The following AMMECR1L variants were observed in gnomAD, a reference collection of about 807,000 sequenced individuals.
AMMECR1L encodes AMMECR1-like protein.
AMMECR1L carries 4 observed loss-of-function variants against 36.8 expected under a neutral mutation model. The ratio of observed to expected loss-of-function variants is 0.11; its 90% confidence interval spans 0.05 to 0.25. AMMECR1L has a LOEUF of 0.25. AMMECR1L is among the 10% of genes least tolerant of loss of function. The pLI, the probability that AMMECR1L is intolerant of heterozygous loss-of-function variation, is 1.00. For missense variants in AMMECR1L, 232 were observed against 392.1 expected (o/e 0.59, Z 3.45); for synonymous variants, 147 against 148.0 (o/e 0.99, Z 0.05).
Position 127,865,269 on chromosome 2 carries a change from G to C in AMMECR1L, c.822-64C>G. On this transcript the variant is annotated intron_variant, in intron 7 of 7. Coordinates refer to ENST00000272647, the MANE Select transcript of AMMECR1L (RefSeq NM_001199140.2). The surrounding 1 kb of genome is among the most constrained non-coding windows in gnomAD (Gnocchi z 5.4). The stretch of plus-strand genomic sequence containing the variant: ...ACGCTTCATTTTGTAAAGTCACTCA[G>C]CAGAGAAAAACCAAAAGCTTATTCC... The C allele has an allele frequency of 8.4e-7, 1 of 1,196,532 alleles. No homozygotes were observed. Among genetic ancestry groups the C allele is most frequent in the Non-Finnish European group, 1.2e-6 (1 of 847,368 alleles). 74.1% of individuals were successfully genotyped at this position (1,196,532 alleles called of 1,614,324 possible).
rs1221416571 is a variant in AMMECR1L at position 127,865,069 on chromosome 2, G to A, written c.*25C>T. The A allele has an allele frequency of 6.4e-7, 1 of 1,571,204 alleles. No individual in the cohort carries two copies. Among genetic ancestry groups the A allele is most frequent in the Non-Finnish European group, 8.7e-7 (1 of 1,142,884 alleles). ...CATAGCCATTGGTGGCCACGGGGGGGTGGGACTGGTCATGCAGCCGTGTGT... is the reference window on the plus strand; with the variant it reads ...CATAGCCATTGGTGGCCACGGGGGGATGGGACTGGTCATGCAGCCGTGTGT... On this transcript the variant is annotated 3_prime_UTR_variant, in exon 8 of 8. Coordinates refer to ENST00000272647, the MANE Select transcript of AMMECR1L (RefSeq NM_001199140.2). This position sits in a 1 kb window ranked among gnomAD's most constrained non-coding sequence, Gnocchi z 5.4.
chr2:127,874,072 C>G lies in AMMECR1L; in HGVS notation c.163G>C (p.Val55Leu). The change falls in exon 3 of 8, where the codon GTG becomes CTG. Residue 55 changes from valine to leucine, a missense_variant. Around this residue, in one of 3 missense-constraint regions of AMMECR1L, gnomAD observed 109 missense variants for 128.1 expected, o/e 0.85. Coordinates refer to ENST00000272647, the MANE Select transcript of AMMECR1L (RefSeq NM_001199140.2). The surrounding 1 kb of genome is among the most constrained non-coding windows in gnomAD (Gnocchi z 5.2). ...TTCTCCCGTCCACTGCTGCTGTCCACATGCTGGTGGTTTTGAAGAGGTCCT... is the reference window on the plus strand; with the variant it reads ...TTCTCCCGTCCACTGCTGCTGTCCAGATGCTGGTGGTTTTGAAGAGGTCCT... ...SSGPLQNHQH[V>L]DSSSGRENVS... The G allele has an allele frequency of 6.2e-7, 1 of 1,614,254 alleles. No individual in the cohort carries two copies. Among genetic ancestry groups the G allele is most frequent in the Non-Finnish European group, 8.5e-7 (1 of 1,180,054 alleles).
intron 2 of AMMECR1L, among the ~76,000 whole-genome samples, chr2:127,876,709 A>C (rs1691258365): frequency 6.6e-6 from 1 of 152,158 alleles, no homozygotes; most frequent in Non-Finnish European, 1.5e-5. Context: ...GGTTAGGTGA[A>C]TTAAATGAGT....
Position 127,874,398 on chromosome 2 carries a change from C to G in AMMECR1L, c.-38-126G>C. ...TCAAATTCTTTCTCCCACTCAACCT[C>G]CAGGTCACAGACCAGGAGAAGAAAC... On this transcript the variant is annotated intron_variant, in intron 2 of 7. Transcript: ENST00000272647. The surrounding 1 kb of genome is among the most constrained non-coding windows in gnomAD (Gnocchi z 5.2). The G allele has an allele frequency of 1.1e-6, 1 of 879,764 alleles. No homozygotes were observed. Among genetic ancestry groups the G allele is most frequent in the South Asian group, 1.8e-5 (1 of 55,506 alleles). 54.5% of individuals were successfully genotyped at this position (879,764 alleles called of 1,614,324 possible).
rs2104753747 is a variant in AMMECR1L, at chr2:127,870,946, A to G, written c.519-18T>C. ...TAAGTGCACTGGAGGGGGACAGAAA[A>G]CATAGGTAAGGCTGCTCTGGAGTCA... On this transcript the variant is annotated intron_variant, in intron 4 of 7. Coordinates refer to ENST00000272647, the MANE Select transcript of AMMECR1L (RefSeq NM_001199140.2). 1 of 1,594,750 alleles carries G rather than the reference A, an allele frequency of 6.3e-7. No individual in the cohort carries two copies. Among genetic ancestry groups the G allele is most frequent in the East Asian group, 2.2e-5 (1 of 44,756 alleles).
chr2:127,867,121 C>A (rs1379839047), intron 6 of AMMECR1L, 125 bp from the exon 7 acceptor site: 2 of 1,507,156 alleles, frequency 1.3e-6, no homozygotes, highest in Non-Finnish European at 1.8e-6. Flanking sequence ...GCAGAGGAAG[C>A]CCTGGGCACT....
chr2:127,869,608 C>T lies in AMMECR1L; in HGVS notation c.634-64G>A, dbSNP rs1301998187. 1 of 1,333,854 alleles carries T rather than the reference C, an allele frequency of 7.5e-7. No individual in the cohort carries two copies. Among genetic ancestry groups the T allele is most frequent in the African/African-American group, 1.4e-5 (1 of 69,132 alleles). 82.6% of individuals were successfully genotyped at this position (1,333,854 alleles called of 1,614,324 possible). A position where few individuals can be genotyped will look rare whatever the true frequency, so the allele number is the denominator to read the frequency against. ...TACTCTAATGGAACTTCAGTCCCCA[C>T]ATATAAATCAACATTGTTCCCTGAC... On this transcript the variant is annotated intron_variant, in intron 5 of 7. Coordinates refer to ENST00000272647, the MANE Select transcript of AMMECR1L (RefSeq NM_001199140.2). This position sits in a 1 kb window ranked among gnomAD's most constrained non-coding sequence, Gnocchi z 4.7.
intron 2 of AMMECR1L, among the ~76,000 whole-genome samples, chr2:127,876,831 A>C (rs2104769007): frequency 6.6e-6 from 1 of 152,188 alleles, no homozygotes; most frequent in African/African-American, 2.4e-5. Flanking sequence ...CAGCCTGACC[A>C]ACATGGAGAA....
At position 127,869,345 on chromosome 2, in the gene AMMECR1L, C is replaced by CA; in HGVS notation, c.724+108dup. 1 of 1,048,130 alleles carries CA rather than the reference C, an allele frequency of 9.5e-7. No individual in the cohort carries two copies. The highest frequency in any genetic ancestry group is 1.4e-5 in the South Asian group (1 of 73,394). 64.9% of individuals were successfully genotyped at this position (1,048,130 alleles called of 1,614,324 possible). On this transcript the variant is annotated intron_variant, in intron 6 of 7. Transcript: ENST00000272647. This position sits in a 1 kb window ranked among gnomAD's most constrained non-coding sequence, Gnocchi z 4.7. ...AGGTATTAAGAGGCAGAAAGGCCCT[C>CA]ATTCTCAGCTGCAGTTGGGCTGCAA...
At chr2:127,883,041 G>A (rs148485336) in intron 2 of AMMECR1L, among the ~76,000 whole-genome samples, 263 of 151,410 alleles carry the variant, frequency 1.7e-3, no homozygotes, top group African/African-American at 6.1e-3. Context: ...CACCATGCCT[G>A]GCAACAATTG....
intron 2 of AMMECR1L, among the ~76,000 whole-genome samples, chr2:127,878,655 A>T (rs1251483559): frequency 6.6e-6 from 1 of 152,176 alleles, no homozygotes. Context: ...GCCACATACA[A>T]TCACTGATCC....
At chr2:127,885,132 T>C (rs1691698282) in intron 1 of AMMECR1L, 4 of 984,058 alleles carry the variant, frequency 4.1e-6, no homozygotes, top group Non-Finnish European at 3.6e-6. Context: ...GGACGGATCA[T>C]GGAATGGGGG....
chr2:127,885,613 T>G lies in AMMECR1L; in HGVS notation c.-149+197A>C. On this transcript the variant is annotated intron_variant, in intron 1 of 7. Coordinates refer to ENST00000272647, the MANE Select transcript of AMMECR1L (RefSeq NM_001199140.2). Reference sequence around the variant, plus strand: ...CGACCCCCTGCCCTCCGCTGGGACATGGCCTGAGGCCCCGCCCGCCGCCCG... The same window carrying G: ...CGACCCCCTGCCCTCCGCTGGGACAGGGCCTGAGGCCCCGCCCGCCGCCCG... 6.2e-6 allele frequency: 6 copies of G among 973,038 alleles called. No homozygotes were observed. In the South Asian group the frequency reaches 2.9e-4, roughly 47 times the overall value. The allele number at this position is 973,038 out of a possible 1,614,324, so 60.3% of individuals were successfully genotyped here.
intron 6 of AMMECR1L, among the ~76,000 whole-genome samples, chr2:127,867,591 G>A (rs1690748347): frequency 6.6e-6 from 1 of 152,002 alleles, no homozygotes. Context: ...TACTAAGAAC[G>A]CAAAAATTAA....
At chr2:127,872,069 A>T (rs1463675213) in intron 3 of AMMECR1L, among the ~76,000 whole-genome samples, 4 of 151,748 alleles carry the variant, frequency 2.6e-5, no homozygotes. Context: ...GGCTCCTGTA[A>T]TCTCAGCTAC....
intron 3 of AMMECR1L, chr2:127,872,849 C>T (rs1024838513): frequency 1.8e-5 from 6 of 324,620 alleles, no homozygotes; most frequent in Non-Finnish European, 2.7e-5. Flanking sequence ...CCTGCTCAGT[C>T]AGGTGTTTTC....
intron 2 of AMMECR1L, among the ~76,000 whole-genome samples, chr2:127,878,822 T>C (rs1375170163): frequency 6.6e-6 from 1 of 152,240 alleles, no homozygotes; most frequent in Non-Finnish European, 1.5e-5. Context: ...ATTCAACTGA[T>C]AGTCTCAGTT....
chr2:127,885,844 G>C lies in AMMECR1L; in HGVS notation c.-183C>G. The stretch of plus-strand genomic sequence containing the variant: ...TGGCCCAGACGCGGCTGGGGCGGAC[G>C]GGACCTCTCGCGCTCTGCCTCCTCC... On this transcript the variant is annotated 5_prime_UTR_variant, in exon 1 of 8. Transcript: ENST00000272647. 4.1e-6 allele frequency: 4 copies of C among 985,624 alleles called. No homozygotes were observed. Among genetic ancestry groups the C allele is most frequent in the Non-Finnish European group, 4.8e-6 (4 of 829,892 alleles). 61.1% of individuals were successfully genotyped at this position (985,624 alleles called of 1,614,324 possible).
At chr2:127,885,226 G>A in intron 1 of AMMECR1L, 7 of 985,264 alleles carry the variant, frequency 7.1e-6, no homozygotes, top group Non-Finnish European at 8.4e-6. Flanking sequence ...CGTGTGAAGA[G>A]TGTTAAGAAA....
Sources: allele counts gnomAD v4.1 joint callset (sites outside exome capture counted in the v4.1 genomes callset), GRCh38; gene constraint gnomAD v4.1.1; regional missense constraint gnomAD v4.1.1; non-coding constraint Gnocchi (gnomAD v3.1); transcripts MANE v1.5; gene names NCBI Gene and HGNC (gene_info 2026-07-23, HGNC 2026-07-21).